Variants in BAHCC1 observed in about 807,000 individuals in gnomAD.
BAHCC1 encodes BAH domain and coiled-coil containing 1.
BAHCC1 carries 43 observed loss-of-function variants against 88.2 expected under a neutral mutation model. The observed-to-expected ratio is 0.49, with a 90% CI of 0.38 to 0.63. The LOEUF is 0.63. Among genes scored for constraint, BAHCC1 ranks in the 20% least tolerant of loss-of-function variants. BAHCC1 has a pLI of 0.00. For synonymous variants in BAHCC1, 1,510 were observed against 745.5 expected (o/e 2.03, Z -16.71); for missense variants, 3,023 against 1,654.8 (o/e 1.83, Z -14.34).
chr17:81,398,947 A>G (rs36104581), intron 1 of BAHCC1, among the ~76,000 whole-genome samples: 1 of 150,444 alleles, frequency 6.6e-6, no homozygotes, highest in Non-Finnish European at 1.5e-5. Context: ...AAAAAAAAAA[A>G]CTCTTGAGTT....
chr17:81,461,759 G>T lies in BAHCC1; in HGVS notation c.7096G>T (p.Val2366Leu), dbSNP rs782207435. 1.4e-6 allele frequency: 1 copy of T among 717,226 alleles called. No homozygotes were observed. The highest frequency in any genetic ancestry group is 2.6e-6 in the Non-Finnish European group (1 of 385,012). 44.4% of individuals were successfully genotyped at this position (717,226 alleles called of 1,614,324 possible). A position where few individuals can be genotyped will look rare whatever the true frequency, so the allele number is the denominator to read the frequency against. Residue 2366 changes from valine to leucine, a missense_variant, in exon 26 of 28, where the codon GTG (valine) becomes TTG (leucine). Val to Leu is a conservative substitution (Grantham distance 32). Transcript: ENST00000675386. The stretch of plus-strand genomic sequence containing the variant: ...GCTGCAGACCTGCCTCACCCACCCC[G>T]TGCCCACCCTCCTGGCCCAGCCCGA... ...LLLQTCLTHP[V>L]PTLLAQPEAL...
intron 3 of BAHCC1, among the ~76,000 whole-genome samples, chr17:81,427,674 G>C (rs1331550885): frequency 6.6e-6 from 1 of 152,182 alleles, no homozygotes; most frequent in Non-Finnish European, 1.5e-5. Flanking sequence ...GCCCACAGTT[G>C]CTGGTATTCC....
Position 81,445,635 on chromosome 17 carries a change from TG to T in BAHCC1, c.3121del (p.Glu1041ArgfsTer111). 1 of 734,078 alleles carries T rather than the reference TG, an allele frequency of 1.4e-6. No individual in the cohort carries two copies. Among genetic ancestry groups the T allele is most frequent in the Non-Finnish European group, 2.5e-6 (1 of 395,352 alleles). 45.5% of individuals were successfully genotyped at this position (734,078 alleles called of 1,614,324 possible). On this transcript the variant is annotated frameshift_variant, in exon 10 of 28. Coordinates refer to ENST00000675386, the MANE Select transcript of BAHCC1 (RefSeq NM_001377448.1). LOFTEE classifies it high-confidence loss of function. ...SRVRSAEEKN[G>X]EGQQSTADII... is the part of the protein sequence containing the mutation. ...GGGTGCGCAGCGCCGAGGAAAAGAATGGGGAGGGTCAGCAGTCCACGGCCGA... is the reference window on the plus strand; with the variant it reads ...GGGTGCGCAGCGCCGAGGAAAAGAATGGGAGGGTCAGCAGTCCACGGCCGA...
At chr17:81,454,998 C>T (rs1223454751) in intron 14 of BAHCC1, among the ~76,000 whole-genome samples, 1 of 152,222 alleles carries the variant, frequency 6.6e-6, no homozygotes, top group African/African-American at 2.4e-5. Context: ...TCCAGTATAG[C>T]CAAGTGGGGG....
chr17:81,425,568 T>C (rs2064177596), intron 2 of BAHCC1, among the ~76,000 whole-genome samples: 1 of 120,968 alleles, frequency 8.3e-6, no homozygotes, highest in African/African-American at 3.1e-5. Context: ...TGGTTGGTGG[T>C]GATGTGGTTG....
intron 14 of BAHCC1, among the ~76,000 whole-genome samples, chr17:81,453,356 C>T (rs182788050): frequency 6.0e-4 from 92 of 152,376 alleles, no homozygotes; most frequent in Non-Finnish European, 1.1e-3. Context: ...TCCCGGCAGG[C>T]CCATTTGCAT....
intron 16 of BAHCC1, among the ~76,000 whole-genome samples, chr17:81,457,069 G>T (rs2064763036): frequency 6.6e-6 from 1 of 152,144 alleles, no homozygotes; most frequent in South Asian, 2.1e-4. Flanking sequence ...AGGGCCGCTT[G>T]GGGCTGGGGG....
chr17:81,399,853 G>A lies in BAHCC1; in HGVS notation c.114G>A (p.Gln38=). Reference sequence around the variant, plus strand: ...TCGCCCCGGCTGGGCCCGCCGCGCAGCCCCCCGCACACTTCCAGCCGGGAA... The same window carrying A: ...TCGCCCCGGCTGGGCCCGCCGCGCAACCCCCCGCACACTTCCAGCCGGGAA... ...ARLAPAGPAA[Q]PPAHFQPGKY... is the part of the protein sequence containing the mutation. The change falls in exon 2 of 28, where the codon CAG becomes CAA. Residue 38 remains glutamine, a synonymous_variant. Coordinates refer to ENST00000675386, the MANE Select transcript of BAHCC1 (RefSeq NM_001377448.1). The surrounding 1 kb of genome is among the most constrained non-coding windows in gnomAD (Gnocchi z 4.5). 10 of 1,400,430 alleles carry A rather than the reference G, an allele frequency of 7.1e-6. No homozygotes were observed. Among genetic ancestry groups the A allele is most frequent in the Non-Finnish European group, 9.3e-6 (10 of 1,073,930 alleles). The allele number at this position is 1,400,430 out of a possible 1,614,324, so 86.8% of individuals were successfully genotyped here.
At chr17:81,453,180 G>T (rs1021026416) in intron 14 of BAHCC1, among the ~76,000 whole-genome samples, 1 of 152,218 alleles carries the variant, frequency 6.6e-6, no homozygotes, top group African/African-American at 2.4e-5. Flanking sequence ...AGTGTGAGGC[G>T]GTGTTGCGTG....
At position 81,451,655 on chromosome 17, in the gene BAHCC1, C is replaced by T. The variant is rs1555655763; in HGVS notation, c.3977-13C>T. On this transcript the variant is annotated splice_polypyrimidine_tract_variant and intron_variant, in intron 11 of 27. Transcript: ENST00000675386. ...CCCAGTTATGCCCATGCTGACCTTC[C>T]CATGCCGCACAGAGGAGGAAGAGGA... is the stretch of plus-strand genomic sequence containing the variant. The T allele has an allele frequency of 1.3e-6, 1 of 772,264 alleles. No individual in the cohort carries two copies. 47.8% of individuals were successfully genotyped at this position (772,264 alleles called of 1,614,324 possible).
At chr17:81,398,042 G>A (rs2063764713) in intron 1 of BAHCC1, among the ~76,000 whole-genome samples, 1 of 152,198 alleles carries the variant, frequency 6.6e-6, no homozygotes, top group Admixed American at 6.5e-5. Flanking sequence ...TTCAGTAGAT[G>A]GAAAACATCT....
chr17:81,426,958 T>A lies in BAHCC1; in HGVS notation c.337T>A (p.Trp113Arg). 1 of 398,516 alleles carries A rather than the reference T, an allele frequency of 2.5e-6. No homozygotes were observed. The highest frequency in any genetic ancestry group is 1.3e-4 in the South Asian group (1 of 7,866). The allele number at this position is 398,516 out of a possible 1,614,324, so 24.7% of individuals were successfully genotyped here. A position where few individuals can be genotyped will look rare whatever the true frequency, so the allele number is the denominator to read the frequency against. Residue 113 changes from tryptophan (W) to arginine (R), a missense_variant, in exon 3 of 28, where the codon TGG becomes AGG. Coordinates refer to ENST00000675386, the MANE Select transcript of BAHCC1 (RefSeq NM_001377448.1). ...RGSHPTTSQI[W>R]FSHSHEAPGY... ...CTCCCACCCCACCACCTCCCAGATC[T>A]GGTTCTCCCACTCCCACGAAGGTAA...
intron 2 of BAHCC1, chr17:81,407,028 C>A (rs2143228962): frequency 2.2e-6 from 1 of 455,142 alleles, no homozygotes; most frequent in African/African-American, 2.0e-5. Context: ...CCCCTAGGAT[C>A]CCCCAAGAAA....
In BAHCC1 at chr17:81,447,821, C is replaced by G. The variant is rs782627231; in HGVS notation, c.3949C>G (p.Arg1317Gly). 2.7e-6 allele frequency: 2 copies of G among 746,634 alleles called. No homozygotes were observed. The highest frequency in any genetic ancestry group is 5.0e-6 in the Non-Finnish European group (2 of 401,506). The allele number at this position is 746,634 out of a possible 1,614,324, so 46.3% of individuals were successfully genotyped here. Residue 1317 changes from arginine to glycine, a missense_variant, in exon 11 of 28, where the codon CGG becomes GGG. Arg to Gly is a moderately radical substitution (Grantham distance 125, BLOSUM62 -2). Coordinates refer to ENST00000675386, the MANE Select transcript of BAHCC1 (RefSeq NM_001377448.1). ...LSELADLAIQ[R>G]QRSERTVPEE... ...CGAGCTGGCTGACCTGGCAATCCAGCGGCAGAGGAGTGAGAGGACTGTGCC... is the reference window on the plus strand; with the variant it reads ...CGAGCTGGCTGACCTGGCAATCCAGGGGCAGAGGAGTGAGAGGACTGTGCC...
At chr17:81,397,037 C>G (rs2063752782) in intron 1 of BAHCC1, 1 of 152,256 alleles carries the variant, frequency 6.6e-6, no homozygotes, top group Admixed American at 6.5e-5. Flanking sequence ...GTGGGACTCC[C>G]AGCTCGGGCC....
chr17:81,411,590 C>T lies in BAHCC1; in HGVS notation c.178+11673C>T, dbSNP rs1555647885. 2.3e-6 allele frequency: 1 copy of T among 440,758 alleles called. No homozygotes were observed. Among genetic ancestry groups the T allele is most frequent in the East Asian group, 7.3e-5 (1 of 13,734 alleles). 27.3% of individuals were successfully genotyped at this position (440,758 alleles called of 1,614,324 possible). On this transcript the variant is annotated intron_variant, in intron 2 of 27. Coordinates refer to ENST00000675386, the MANE Select transcript of BAHCC1 (RefSeq NM_001377448.1). The surrounding 1 kb of genome is among the most constrained non-coding windows in gnomAD (Gnocchi z 6.2). ...TTCCTTCCTTGAGAGGCCTCTCTACCCAGCACCCACGAAGACGGGTGAGCT... is the reference window on the plus strand; with the variant it reads ...TTCCTTCCTTGAGAGGCCTCTCTACTCAGCACCCACGAAGACGGGTGAGCT...
At chr17:81,444,913 G>A (rs2064494724) in intron 8 of BAHCC1, 87 bp downstream of exon 8, 2 of 693,620 alleles carry the variant, frequency 2.9e-6, no homozygotes, top group Non-Finnish European at 5.3e-6. Context: ...GGGCTCAGGA[G>A]GGAGCGGTGG....
chr17:81,465,066 C>G lies in BAHCC1; in HGVS notation c.*1249C>G, dbSNP rs1568042745. 6.6e-6 allele frequency: 1 copy of G among 152,386 alleles called. No individual in the cohort carries two copies. Among genetic ancestry groups the G allele is most frequent in the East Asian group, 1.9e-4 (1 of 5,178 alleles). 9.4% of individuals were successfully genotyped at this position (152,386 alleles called of 1,614,324 possible). A position where few individuals can be genotyped will look rare whatever the true frequency, so the allele number is the denominator to read the frequency against. Reference sequence around the variant, plus strand: ...CCTTTTCCCACCCACCTTATTGGTGCCCCCAAACCCCTGGCCTGCTGCGTA... The same window carrying G: ...CCTTTTCCCACCCACCTTATTGGTGGCCCCAAACCCCTGGCCTGCTGCGTA... On this transcript the variant is annotated 3_prime_UTR_variant, in exon 28 of 28. Coordinates refer to ENST00000675386, the MANE Select transcript of BAHCC1 (RefSeq NM_001377448.1).
intron 2 of BAHCC1, chr17:81,401,255 G>A (rs1203881210): frequency 2.6e-5 from 4 of 152,664 alleles, no homozygotes; most frequent in African/African-American, 4.8e-5. Flanking sequence ...GCAGCGCCAG[G>A]AGATTGGAAT....
Sources: allele counts gnomAD v4.1 joint callset (sites outside exome capture counted in the v4.1 genomes callset), GRCh38; gene constraint gnomAD v4.1.1; non-coding constraint Gnocchi (gnomAD v3.1); transcripts MANE v1.5; gene names NCBI Gene and HGNC (gene_info 2026-07-23, HGNC 2026-07-21).